COG5: variants seen among roughly 807,000 people sequenced by gnomAD.
COG5 encodes the protein conserved oligomeric Golgi complex subunit 5.
A neutral mutation model predicts 110.4 loss-of-function variants in COG5; 86 were observed. That is an observed-to-expected ratio of 0.78 (90% confidence interval 0.65 to 0.93). The LOEUF (loss-of-function observed/expected upper bound fraction) is 0.93, where lower values mean the gene tolerates loss of function less well. COG5 is among the 40% of genes least tolerant of loss of function. The pLI, the probability that COG5 is intolerant of heterozygous loss-of-function variation, is 0.00. For missense variants in COG5, 1,077 were observed against 987.0 expected (o/e 1.09, Z -1.22); for synonymous variants, 360 against 334.6 (o/e 1.08, Z -0.83).
At chr7:107,449,598 C>T (rs1038313780) in intron 6 of COG5, among the ~76,000 whole-genome samples, 1 of 152,122 alleles carries the variant, frequency 6.6e-6, no homozygotes, top group Non-Finnish European at 1.5e-5. Flanking sequence ...CCTTGAAAAA[C>T]TTCATAGGAC....
chr7:107,539,627 T>C (rs996661195), intron 5 of COG5, among the ~76,000 whole-genome samples: 5 of 152,120 alleles, frequency 3.3e-5, no homozygotes, highest in African/African-American at 9.7e-5. Context: ...GATAATATTA[T>C]AGTATAATTA....
intron 19 of COG5, 114 bp from the exon 20 acceptor site, chr7:107,211,339 A>G (rs1799159452): frequency 1.7e-6 from 2 of 1,196,862 alleles, no homozygotes; most frequent in Non-Finnish European, 2.4e-6. Flanking sequence ...CTACTGAAGG[A>G]GCCCTCCACT....
rs147184995 is a variant in COG5 at position 107,345,885 on chromosome 7, T to G, written c.1026+16148A>C. Reference sequence around the variant, plus strand: ...CAAACCATATTTCATTTCAGCATATTTTGCTATTTGAGCAAGCAGCCTAAT... The same window carrying G: ...CAAACCATATTTCATTTCAGCATATGTTGCTATTTGAGCAAGCAGCCTAAT... On this transcript the variant is annotated intron_variant, in intron 10 of 21. Coordinates refer to ENST00000297135, the MANE Select transcript of COG5 (RefSeq NM_006348.5). 2.8e-4 allele frequency among the ~76,000 whole-genome samples: 42 copies of G among 152,310 alleles called. No individual in the cohort carries two copies. In the East Asian group the frequency reaches 7.9e-3, roughly 29 times the overall value.
chr7:107,203,535 G>A lies in COG5; in HGVS notation c.2471C>T (p.Ala824Val), dbSNP rs1360735651. The change falls in exon 22 of 22, where the codon GCT becomes GTT. Residue 824 changes from alanine (A) to valine (V), a missense_variant. Transcript: ENST00000297135. The stretch of plus-strand genomic sequence containing the variant: ...ATGTCATTACTGAAGAGCAGACATA[G>A]CCTTTTGAAGCAGCTGAACCATTAT... ...YPIMVQLLQK[A>V]MSALQ The A allele has an allele frequency of 3.1e-6, 5 of 1,612,260 alleles. No homozygotes were observed. Among genetic ancestry groups the A allele is most frequent in the Admixed American group, 1.7e-5 (1 of 60,006 alleles).
intron 6 of COG5, among the ~76,000 whole-genome samples, chr7:107,453,481 T>C (rs148485946): frequency 6.6e-5 from 10 of 152,268 alleles, no homozygotes; most frequent in Admixed American, 2.0e-4. Context: ...TTTATACTCT[T>C]GTCTCAGCAA....
At chr7:107,354,194 C>A (rs1005514216) in intron 10 of COG5, among the ~76,000 whole-genome samples, 2 of 152,092 alleles carry the variant, frequency 1.3e-5, no homozygotes, top group Admixed American at 6.6e-5. Context: ...AGAGGAAATC[C>A]TTGACATTAG....
chr7:107,398,115 A>G (rs1433819857), intron 7 of COG5, among the ~76,000 whole-genome samples: 1 of 152,196 alleles, frequency 6.6e-6, no homozygotes, highest in Non-Finnish European at 1.5e-5. Flanking sequence ...GAAAACATGG[A>G]TAAACTAGAC....
At chr7:107,236,331 G>A in intron 18 of COG5, 119 bp downstream of exon 18, 1 of 769,970 alleles carries the variant, frequency 1.3e-6, no homozygotes, top group Non-Finnish European at 2.3e-6. Context: ...ATGCTTAAGT[G>A]GGCTTACTTT....
intron 17 of COG5, among the ~76,000 whole-genome samples, chr7:107,239,971 T>C (rs920388147): frequency 6.6e-6 from 1 of 152,184 alleles, no homozygotes; most frequent in Non-Finnish European, 1.5e-5. Flanking sequence ...TGCTCTCCCT[T>C]CCACAAAGGG....
chr7:107,349,306 T>C (rs571529874), intron 10 of COG5, among the ~76,000 whole-genome samples: 2 of 152,302 alleles, frequency 1.3e-5, no homozygotes, highest in South Asian at 4.1e-4. Context: ...TCTTGCCTAT[T>C]CCACTAGCTA....
At position 107,496,104 on chromosome 7, in the gene COG5, A is replaced by C. The variant is rs145498238; in HGVS notation, c.538+31133T>G. Among the ~76,000 whole-genome samples, 430 of 152,128 alleles carry C rather than the reference A, an allele frequency of 2.8e-3. 1 individual carries two copies. The highest frequency in any genetic ancestry group is 0.01 in the African/African-American group (419 of 41,524). ...GTTGGACCGAACATTTAAAGAGTAA[A>C]TATCAATACTTCTACAACTCTTCCC... On this transcript the variant is annotated intron_variant, in intron 6 of 21. Transcript: ENST00000297135.
At chr7:107,325,527 T>G (rs527825271) in intron 10 of COG5, among the ~76,000 whole-genome samples, 1 of 152,160 alleles carries the variant, frequency 6.6e-6, no homozygotes, top group Non-Finnish European at 1.5e-5. Flanking sequence ...GGCGCATGCC[T>G]GTAATCCCAG....
intron 12 of COG5, among the ~76,000 whole-genome samples, chr7:107,293,455 G>T (rs974065995): frequency 6.6e-6 from 1 of 152,134 alleles, no homozygotes; most frequent in Non-Finnish European, 1.5e-5. Context: ...GGTAAGACGG[G>T]AACAATCTTG....
chr7:107,375,117 T>C (rs1814518775), intron 7 of COG5, among the ~76,000 whole-genome samples: 1 of 152,206 alleles, frequency 6.6e-6, no homozygotes, highest in South Asian at 2.1e-4. Context: ...AATGGAATTA[T>C]ACAGTATGTA....
At chr7:107,505,980 G>A (rs534675211) in intron 6 of COG5, among the ~76,000 whole-genome samples, 5 of 152,294 alleles carry the variant, frequency 3.3e-5, no homozygotes, top group African/African-American at 1.2e-4. Flanking sequence ...TGATGGGGGT[G>A]GCAGGAAAGT....
intron 8 of COG5, among the ~76,000 whole-genome samples, chr7:107,365,596 C>CAAAAAAAAAAAAAAAAAAA (rs71134263): frequency 5.5e-5 from 2 of 36,692 alleles, no homozygotes; most frequent in African/African-American, 9.5e-5. Flanking sequence ...TGCAAAATGA[C>CAAAAAAAAAAAAAAAAAAA]AAAAAAAAAA....
chr7:107,202,927 C>G lies in COG5; in HGVS notation c.*589G>C, dbSNP rs1422526244. ...ACCTTGTATCTTAGCTTGGGATGTG[C>G]CAGTGGTTCCTCAACTTTGTTGTCT... On this transcript the variant is annotated 3_prime_UTR_variant, in exon 22 of 22. Coordinates refer to ENST00000297135, the MANE Select transcript of COG5 (RefSeq NM_006348.5). The G allele has an allele frequency of 6.5e-6, 1 of 152,672 alleles. No homozygotes were observed. The highest frequency in any genetic ancestry group is 1.5e-5 in the Non-Finnish European group (1 of 68,730). The allele number at this position is 152,672 out of a possible 1,614,324, so 9.5% of individuals were successfully genotyped here. A position where few individuals can be genotyped will look rare whatever the true frequency, so the allele number is the denominator to read the frequency against.
rs973901315 is a variant in COG5 at position 107,318,276 on chromosome 7, T to C, written c.1108+6164A>G. ...CTCCTGACCTTATGATCTGCCCACC[T>C]TGGCCTCCCAAAGTGCTGCGATTAC... is the stretch of plus-strand genomic sequence containing the variant. On this transcript the variant is annotated intron_variant, in intron 11 of 21. Transcript: ENST00000297135. 5.3e-5 allele frequency among the ~76,000 whole-genome samples: 8 copies of C among 152,306 alleles called. No individual in the cohort carries two copies. The East Asian group carries it at 7.7e-4, about 15-fold the overall frequency.
chr7:107,281,435 ACATCATT>A (rs1377805471), intron 13 of COG5, 36 bp from the exon 14 acceptor site: 1 of 1,404,494 alleles, frequency 7.1e-7, no homozygotes, highest in South Asian at 1.2e-5. Context: ...AATATTAGCA[ACATCATT>A]CATCAACAAA....
Sources: gnomAD v4.1 joint callset for allele counts (sites outside exome capture counted in the v4.1 genomes callset) on GRCh38, gnomAD v4.1.1 for gene constraint, MANE v1.5 for transcripts, NCBI Gene and HGNC (gene_info 2026-07-23, HGNC 2026-07-21) for gene names.